TLL1: variants seen among roughly 807,000 people sequenced by gnomAD.
TLL1 encodes the protein tolloid like 1, also known as tolloid-like protein 1.
TLL1 carries 49 observed loss-of-function variants against 128.2 expected under a neutral mutation model. The ratio of observed to expected loss-of-function variants is 0.38; its 90% CI spans 0.30 to 0.48. The LOEUF is 0.48. TLL1 is among the 20% of genes least tolerant of loss of function. The pLI is 0.96. For missense variants in TLL1, 1,123 were observed against 1,242.0 expected (o/e 0.90, Z 1.44); for synonymous variants, 454 against 418.8 (o/e 1.08, Z -1.03).
chr4:166,031,677 T>G (rs1738777575), intron 9 of TLL1, among the ~76,000 whole-genome samples: 1 of 152,066 alleles, frequency 6.6e-6, no homozygotes, highest in Non-Finnish European at 1.5e-5. Flanking sequence ...TTTAAGTTTT[T>G]TTGATTCCAA....
intron 6 of TLL1, 63 bp from the exon 7 acceptor site, chr4:166,007,880 C>G: frequency 9.8e-7 from 1 of 1,019,240 alleles, no homozygotes; most frequent in South Asian, 1.3e-5. Flanking sequence ...GTAGGAAAGG[C>G]CTTCTGGTCT....
chr4:166,005,839 C>A (rs1464493902), intron 6 of TLL1, among the ~76,000 whole-genome samples: 1 of 151,622 alleles, frequency 6.6e-6, no homozygotes, highest in Admixed American at 6.6e-5. Flanking sequence ...TAAATATGTA[C>A]CTGAAACAAG....
chr4:165,989,635 G>A (rs963671853), intron 2 of TLL1, 144 bp downstream of exon 2: 3 of 597,200 alleles, frequency 5.0e-6, no homozygotes, highest in Non-Finnish European at 5.8e-6. Context: ...TAGAAATGCA[G>A]GTTTTATTCA....
At chr4:166,074,186 G>A (rs953193623) in intron 16 of TLL1, among the ~76,000 whole-genome samples, 5 of 151,952 alleles carry the variant, frequency 3.3e-5, no homozygotes, top group Non-Finnish European at 5.9e-5. Flanking sequence ...CACACTAAAA[G>A]CCCTTTTAGG....
chr4:166,044,413 C>G, intron 12 of TLL1: 7 of 1,535,562 alleles, frequency 4.6e-6, no homozygotes, highest in Non-Finnish European at 6.1e-6. Flanking sequence ...CAGAGAATCT[C>G]TCATCCTCAT....
At chr4:165,933,262 A>T (rs967215043) in intron 1 of TLL1, among the ~76,000 whole-genome samples, 3 of 152,110 alleles carry the variant, frequency 2.0e-5, no homozygotes, top group Non-Finnish European at 4.4e-5. Flanking sequence ...ATCTGGGTAC[A>T]TAGAGCCCAG....
At chr4:166,047,873 G>C (rs1181406492) in intron 12 of TLL1, among the ~76,000 whole-genome samples, 3 of 152,102 alleles carry the variant, frequency 2.0e-5, no homozygotes, top group Non-Finnish European at 2.9e-5. Flanking sequence ...GATGGTATTA[G>C]CAGTGGGGTC....
intron 14 of TLL1, among the ~76,000 whole-genome samples, chr4:166,058,455 T>A (rs146233841): frequency 2.4e-4 from 37 of 152,320 alleles, no homozygotes; most frequent in African/African-American, 4.3e-4. Context: ...TTGATTTTTT[T>A]AAAAAGACTT....
chr4:166,085,558 C>T (rs1347241746), intron 18 of TLL1, among the ~76,000 whole-genome samples: 3 of 151,688 alleles, frequency 2.0e-5, no homozygotes, highest in Non-Finnish European at 4.4e-5. Context: ...GTCCTTCATT[C>T]TGTTAATGTC....
chr4:166,065,563 T>C, intron 15 of TLL1, 120 bp from the exon 16 acceptor site: 1 of 1,051,226 alleles, frequency 9.5e-7, no homozygotes, highest in Non-Finnish European at 1.4e-6. Flanking sequence ...TCCTTACCTG[T>C]TAGTTCTAGT....
Position 166,050,789 on chromosome 4 carries a change from G to A in TLL1, c.1525-4287G>A, listed in dbSNP as rs77356588. Reference sequence around the variant, plus strand: ...TTAGAATGAGAGGTTGACCACTTTTGGTTAAATTTATTTTAGTTGTTGCTA... The same window carrying A: ...TTAGAATGAGAGGTTGACCACTTTTAGTTAAATTTATTTTAGTTGTTGCTA... On this transcript the variant is annotated intron_variant, in intron 12 of 20. Transcript: ENST00000061240. Among the ~76,000 whole-genome samples the A allele has an allele frequency of 7.0e-3, 1,067 of 152,056 alleles. 7 individuals carry two copies. Among genetic ancestry groups the A allele is most frequent in the African/African-American group, 0.024 (1,004 of 41,478 alleles).
chr4:166,088,640 C>T (rs998290592), intron 18 of TLL1, among the ~76,000 whole-genome samples: 6 of 152,002 alleles, frequency 3.9e-5, no homozygotes, highest in Non-Finnish European at 8.8e-5. Flanking sequence ...TCATTAATAC[C>T]TTAATGAATG....
At chr4:166,062,971 G>A (rs538240374) in intron 15 of TLL1, among the ~76,000 whole-genome samples, 7 of 152,164 alleles carry the variant, frequency 4.6e-5, no homozygotes, top group Non-Finnish European at 7.3e-5. Context: ...CATCTATTGA[G>A]ATAATCATGT....
At chr4:166,060,277 A>G in intron 15 of TLL1, 89 bp downstream of exon 15, 1 of 1,352,974 alleles carries the variant, frequency 7.4e-7, no homozygotes, top group Non-Finnish European at 1.0e-6. Flanking sequence ...AAGATGTAGT[A>G]AAATAGTATA....
At chr4:165,946,202 T>G (rs1480687316) in intron 1 of TLL1, among the ~76,000 whole-genome samples, 1 of 152,108 alleles carries the variant, frequency 6.6e-6, no homozygotes. Flanking sequence ...CTGAGCCTTT[T>G]CCAGAGCCTC....
chr4:166,043,240 C>T (rs748477903), intron 11 of TLL1, 34 bp from the exon 12 acceptor site: 6 of 1,613,494 alleles, frequency 3.7e-6, no homozygotes, highest in African/African-American at 2.7e-5. Flanking sequence ...CATGTCCAGG[C>T]TTAGTTATTT....
intron 17 of TLL1, among the ~76,000 whole-genome samples, chr4:166,075,748 T>G (rs1347535570): frequency 6.6e-6 from 1 of 152,180 alleles, no homozygotes; most frequent in Non-Finnish European, 1.5e-5. Context: ...AGGCAAATTT[T>G]ATAACTTTAG....
At chr4:166,045,919 A>G (rs568112803) in intron 12 of TLL1, among the ~76,000 whole-genome samples, 111 of 152,256 alleles carry the variant, frequency 7.3e-4, no homozygotes, top group African/African-American at 2.4e-3. Flanking sequence ...TTTCTTACCT[A>G]CAATTACCTC....
intron 1 of TLL1, among the ~76,000 whole-genome samples, chr4:165,976,938 A>G (rs1735911556): frequency 6.6e-6 from 1 of 152,118 alleles, no homozygotes; most frequent in African/African-American, 2.4e-5. Context: ...TTAGCTCATC[A>G]TCTATAGTTA....
Sources: gnomAD v4.1 joint callset for allele counts (sites outside exome capture counted in the v4.1 genomes callset) on GRCh38, gnomAD v4.1.1 for gene constraint, MANE v1.5 for transcripts, NCBI Gene and HGNC (gene_info 2026-07-23, HGNC 2026-07-21) for gene names.